BRSK2: variants seen among roughly 807,000 people sequenced by gnomAD.
BRSK2 encodes the protein BR serine/threonine kinase 2.
In BRSK2, 19 loss-of-function variants were observed where a neutral mutation model predicts 83.3. The observed-to-expected ratio is 0.23, with a 90% CI of 0.16 to 0.33. The LOEUF is 0.33. BRSK2 is among the 10% of genes least tolerant of loss of function. The probability of loss-of-function intolerance (pLI) is 1.00; values close to 1 mark genes in which losing one functional copy is unlikely to be tolerated. For missense variants in BRSK2, 798 were observed against 1,042.3 expected, an observed-to-expected ratio of 0.77 and a Z score of 3.23; for synonymous variants, 519 against 435.4, an observed-to-expected ratio of 1.19 and a Z score of -2.39.
At chr11:1,445,169 T>C in intron 9 of BRSK2, 125 bp from the exon 10 acceptor site, 1 of 1,478,850 alleles carries the variant, frequency 6.8e-7, no homozygotes. Context: ...GCAGGAGGCC[T>C]CCCCGGGCTG....
In BRSK2 at chr11:1,440,996, C is replaced by G. The variant is rs756305883; in HGVS notation, c.413+68C>G. 4 of 1,375,970 alleles carry G rather than the reference C, an allele frequency of 2.9e-6. No homozygotes were observed. The South Asian group carries it at 3.7e-5, about 13-fold the overall frequency. 85.2% of individuals were successfully genotyped at this position (1,375,970 alleles called of 1,614,324 possible). ...CACACCCAGTGCGCTACCACAGATG[C>G]CCCCTGTGCCCCAAGGACTACACCC... On this transcript the variant is annotated intron_variant, in intron 4 of 19. Coordinates refer to ENST00000528841, the MANE Select transcript of BRSK2 (RefSeq NM_001256627.2).
Position 1,392,885 on chromosome 11 carries a change from G to A in BRSK2, c.91+2510G>A, listed in dbSNP as rs1014096008. 5.3e-5 allele frequency among the ~76,000 whole-genome samples: 8 copies of A among 152,260 alleles called. 1 individual carries two copies. In the East Asian group the frequency reaches 7.7e-4, roughly 15 times the overall value. ...GGGCGTCCTCTGCACAGCTCCCCTC[G>A]GTGGCTGTGGGGGTTGCCTTCAGTG... On this transcript the variant is annotated intron_variant, in intron 1 of 19. Coordinates refer to ENST00000528841, the MANE Select transcript of BRSK2 (RefSeq NM_001256627.2).
At chr11:1,451,156 C>T (rs773654521) in intron 14 of BRSK2, among the ~76,000 whole-genome samples, 5 of 152,230 alleles carry the variant, frequency 3.3e-5, no homozygotes, top group Non-Finnish European at 5.9e-5. Flanking sequence ...ACTTCAGCAC[C>T]AGAGGCGGGG....
At chr11:1,439,108 C>G (rs1172978905) in intron 3 of BRSK2, among the ~76,000 whole-genome samples, 1 of 152,176 alleles carries the variant, frequency 6.6e-6, no homozygotes, top group African/African-American at 2.4e-5. Flanking sequence ...GCGGCGTGAC[C>G]TGCCAGGTGA....
In BRSK2 at chr11:1,444,955, T is replaced by C; in HGVS notation, c.781-16T>C. 1 of 1,611,892 alleles carries C rather than the reference T, an allele frequency of 6.2e-7. No individual in the cohort carries two copies. The highest frequency in any genetic ancestry group is 8.5e-7 in the Non-Finnish European group (1 of 1,178,124). On this transcript the variant is annotated splice_polypyrimidine_tract_variant and intron_variant, in intron 8 of 19. Coordinates refer to ENST00000528841, the MANE Select transcript of BRSK2 (RefSeq NM_001256627.2). Reference sequence around the variant, plus strand: ...TCCCTCGTCCGTACTAACTCCCTGTTTCTCTTTCCTTGTAGCTAGAGCACA... The same window carrying C: ...TCCCTCGTCCGTACTAACTCCCTGTCTCTCTTTCCTTGTAGCTAGAGCACA...
Position 1,460,481 on chromosome 11 carries a change from C to G in BRSK2, c.1988-19C>G. ...TTTTCCTTTTTTTTTTTTTTTTTGT[C>G]TCTGTTCTGTGTACCCAGGCAGCCC... On this transcript the variant is annotated intron_variant, in intron 19 of 19. Transcript: ENST00000528841. 15 of 809,014 alleles carry G rather than the reference C, an allele frequency of 1.9e-5. No individual in the cohort carries two copies. Among genetic ancestry groups the G allele is most frequent in the Non-Finnish European group, 2.3e-5 (15 of 648,040 alleles). The allele number at this position is 809,014 out of a possible 1,614,324, so 50.1% of individuals were successfully genotyped here. A position where few individuals can be genotyped will look rare whatever the true frequency, so the allele number is the denominator to read the frequency against.
At chr11:1,411,963 G>A (rs1050839947) in intron 1 of BRSK2, among the ~76,000 whole-genome samples, 10 of 152,172 alleles carry the variant, frequency 6.6e-5, no homozygotes, top group South Asian at 2.1e-4. Context: ...GCAGTCCTGC[G>A]GTGGGTGGAG....
At chr11:1,442,828 T>C (rs1356429277) in intron 5 of BRSK2, among the ~76,000 whole-genome samples, 1 of 152,130 alleles carries the variant, frequency 6.6e-6, no homozygotes, top group Non-Finnish European at 1.5e-5. Context: ...GGCCCTGGCC[T>C]GCCTGGGAGA....
chr11:1,446,899 TG>T (rs536974008), intron 12 of BRSK2, among the ~76,000 whole-genome samples: 513 of 152,122 alleles, frequency 3.4e-3, no homozygotes, highest in African/African-American at 0.012. Flanking sequence ...ACTGGAGATG[TG>T]GGGGGTGGGA....
chr11:1,439,703 G>A (rs1205186356), intron 3 of BRSK2, among the ~76,000 whole-genome samples: 10 of 151,142 alleles, frequency 6.6e-5, no homozygotes, highest in East Asian at 2.0e-4. Context: ...GGGCCTGGCC[G>A]CCCCCCTGCC....
In BRSK2 at chr11:1,436,108, A is replaced by C. The variant is rs769136628; in HGVS notation, c.160A>C (p.Lys54Gln). The C allele has an allele frequency of 9.7e-6, 15 of 1,542,032 alleles. No individual in the cohort carries two copies. The highest frequency in any genetic ancestry group is 1.2e-5 in the Non-Finnish European group (14 of 1,136,644). ...GGCCATCAAGATCGTCAACCGTGAG[A>C]AGCTCAGCGAGTCGGTGCTGATGAA... Reference protein sequence around the residue: ...KVAIKIVNREKLSESVLMKVE... With the variant: ...KVAIKIVNREQLSESVLMKVE... The change falls in exon 2 of 20, where the codon AAG becomes CAG. Residue 54 changes from lysine to glutamine, a missense_variant. Physicochemically the swap from Lys to Gln is moderately conservative, Grantham distance 53. Coordinates refer to ENST00000528841, the MANE Select transcript of BRSK2 (RefSeq NM_001256627.2).
chr11:1,411,637 C>A, intron 1 of BRSK2: 1 of 1,541,800 alleles, frequency 6.5e-7, no homozygotes, highest in African/African-American at 1.4e-5. Context: ...CCAGCAGGTG[C>A]GTGCCACGCT....
At chr11:1,427,315 G>T (rs1046774202) in intron 1 of BRSK2, among the ~76,000 whole-genome samples, 10 of 152,158 alleles carry the variant, frequency 6.6e-5, no homozygotes, top group Non-Finnish European at 1.0e-4. Flanking sequence ...GGCAGGAGAA[G>T]GCCCCTCACT....
Position 1,459,254 on chromosome 11 carries a change from C to T in BRSK2, c.1987+15C>T, listed in dbSNP as rs1020235831. 38 of 1,613,138 alleles carry T rather than the reference C, an allele frequency of 2.4e-5. No homozygotes were observed. The highest frequency in any genetic ancestry group is 1.2e-4 in the South Asian group (11 of 91,084). On this transcript the variant is annotated intron_variant, in intron 19 of 19. Coordinates refer to ENST00000528841, the MANE Select transcript of BRSK2 (RefSeq NM_001256627.2). ...TTCCAAATGTGGTAAGAATCCCCCA[C>T]GCTCACCTGGCACCTCCACCTGCCA...
intron 1 of BRSK2, chr11:1,410,893 C>T (rs1847405898): frequency 5.1e-6 from 5 of 986,588 alleles, no homozygotes; most frequent in Non-Finnish European, 6.0e-6. Context: ...TTCGACGGCC[C>T]TTTTGTGCAG....
chr11:1,420,586 T>TGGGCCC (rs1436408720), intron 1 of BRSK2, among the ~76,000 whole-genome samples: 1 of 152,210 alleles, frequency 6.6e-6, no homozygotes, highest in African/African-American at 2.4e-5. Flanking sequence ...AGCCTGGGCC[T>TGGGCCC]GGGCCCCTCC....
In BRSK2 at chr11:1,392,336, A is replaced by T. The variant is rs571599523; in HGVS notation, c.91+1961A>T. Among the ~76,000 whole-genome samples the T allele has an allele frequency of 7.6e-4, 115 of 152,210 alleles. No homozygotes were observed. The Middle Eastern group carries it at 0.027, about 36-fold the overall frequency. On this transcript the variant is annotated intron_variant, in intron 1 of 19. Transcript: ENST00000528841. The stretch of plus-strand genomic sequence containing the variant: ...GGACGATCTGATCCTGCCGTTGAGA[A>T]CGCTTCTCCTTCCAGGGACCTGGCC...
At position 1,438,999 on chromosome 11, in the gene BRSK2, C is replaced by T. The variant is rs559438711; in HGVS notation, c.272+608C>T. On this transcript the variant is annotated intron_variant, in intron 3 of 19. Coordinates refer to ENST00000528841, the MANE Select transcript of BRSK2 (RefSeq NM_001256627.2). This position sits in a 1 kb window ranked among gnomAD's most constrained non-coding sequence, Gnocchi z 6.4. ...GCACAGTGGTCACTCACGGCAGTCT[C>T]CTCTGTGTGCTCTGATGGGGCTTTC... 5.3e-5 allele frequency among the ~76,000 whole-genome samples: 8 copies of T among 152,308 alleles called. No homozygotes were observed. Among genetic ancestry groups the T allele is most frequent in the African/African-American group, 1.7e-4 (7 of 41,574 alleles).
chr11:1,461,071 C>T lies in BRSK2; in HGVS notation c.*348C>T, dbSNP rs1847444441. ...CCTCCCTCCGCTCCTGCTGTTGCTG[C>T]CGGGCAGTGAGGCCCAGCCCAGCGC... is the stretch of plus-strand genomic sequence containing the variant. On this transcript the variant is annotated 3_prime_UTR_variant, in exon 20 of 20. Transcript: ENST00000528841. The T allele has an allele frequency of 3.1e-6, 5 of 1,589,236 alleles. No homozygotes were observed. The African/African-American group carries it at 6.7e-5, about 21-fold the overall frequency.
Sources: gnomAD v4.1 joint callset for allele counts (sites outside exome capture counted in the v4.1 genomes callset) on GRCh38, gnomAD v4.1.1 for gene constraint, Gnocchi (gnomAD v3.1) non-coding constraint, MANE v1.5 for transcripts, NCBI Gene and HGNC (gene_info 2026-07-23, HGNC 2026-07-21) for gene names.